The following CACNA1I variants were observed in gnomAD, a reference collection of about 807,000 sequenced individuals.
CACNA1I encodes calcium voltage-gated channel subunit alpha1 I.
A neutral mutation model predicts 201.6 loss-of-function variants in CACNA1I; 74 were observed. That is an observed-to-expected ratio of 0.37 (90% CI 0.30 to 0.45). The LOEUF is 0.45. Among genes scored for constraint, CACNA1I ranks in the 20% least tolerant of loss-of-function variants. CACNA1I has a pLI of 1.00. For missense variants in CACNA1I, 2,346 were observed against 3,138.1 expected (o/e 0.75, Z 6.03); for synonymous variants, 1,431 against 1,345.2 (o/e 1.06, Z -1.40).
intron 4 of CACNA1I, among the ~76,000 whole-genome samples, chr22:39,625,626 C>T (rs1448388180): frequency 6.6e-6 from 1 of 152,192 alleles, no homozygotes; most frequent in Non-Finnish European, 1.5e-5. Flanking sequence ...CTCTCCACCC[C>T]ACCCCTGCAG....
chr22:39,664,205 C>T (rs1308514550), intron 20 of CACNA1I, 46 bp downstream of exon 20: 5 of 1,524,938 alleles, frequency 3.3e-6, no homozygotes, highest in Non-Finnish European at 3.6e-6. Flanking sequence ...CCAGCTCGGG[C>T]CCCTGGCCCT....
intron 7 of CACNA1I, among the ~76,000 whole-genome samples, chr22:39,643,143 C>T (rs1429528656): frequency 3.3e-5 from 5 of 152,198 alleles, no homozygotes; most frequent in Admixed American, 6.5e-5. Flanking sequence ...ACTTCCCCAC[C>T]GATGCTCTGC....
chr22:39,678,801 C>A (rs1935592184), intron 31 of CACNA1I, among the ~76,000 whole-genome samples: 1 of 152,186 alleles, frequency 6.6e-6, no homozygotes, highest in Non-Finnish European at 1.5e-5. Context: ...CTGAAGGAAG[C>A]CCCAGATGCC....
intron 3 of CACNA1I, among the ~76,000 whole-genome samples, chr22:39,601,915 C>CTCCCTCCT (rs1933057703): frequency 3.0e-5 from 1 of 33,074 alleles, no homozygotes; most frequent in Non-Finnish European, 6.6e-5. Flanking sequence ...CCCTCCCTCC[C>CTCCCTCCT]TCCTTCCTTC....
rs1555905399 is a variant in CACNA1I at position 39,620,012 on chromosome 22, T to TCCATCC, written c.580+605_580+606insCCATCC. The stretch of plus-strand genomic sequence containing the variant: ...CTACCTGTCCACCCATCCACCTGTC[T>TCCATCC]ATCCATCCATCCATCCATCCATCCA... On this transcript the variant is annotated intron_variant, in intron 4 of 36. Transcript: ENST00000402142. 3.0e-3 allele frequency among the ~76,000 whole-genome samples: 280 copies of TCCATCC among 92,908 alleles called. 3 individuals are homozygous for TCCATCC. Among genetic ancestry groups the TCCATCC allele is most frequent in the African/African-American group, 0.012 (261 of 22,180 alleles). The allele number at this position is 92,908 out of a possible 152,430, so 61.0% of individuals were successfully genotyped here.
rs558659930 is a variant in CACNA1I at position 39,590,620 on chromosome 22, T to C, written c.237-7531T>C. 1.8e-4 allele frequency among the ~76,000 whole-genome samples: 27 copies of C among 152,306 alleles called. No individual in the cohort carries two copies. The South Asian group carries it at 5.2e-3, about 29-fold the overall frequency. On this transcript the variant is annotated intron_variant, in intron 1 of 36. Transcript: ENST00000402142. ...ACATCGCAGACACTGAACCAGGTGA[T>C]GGCAGGATGTGTGGATGAGAACATG...
intron 1 of CACNA1I, among the ~76,000 whole-genome samples, chr22:39,583,147 T>TCCATCCATCCAG (rs1342461448): frequency 9.4e-5 from 14 of 149,090 alleles, no homozygotes; most frequent in East Asian, 4.0e-4. Flanking sequence ...CATCCATCCA[T>TCCATCCATCCAG]CCAGCCATCC....
chr22:39,595,760 T>C (rs961603628), intron 1 of CACNA1I, among the ~76,000 whole-genome samples: 2 of 152,050 alleles, frequency 1.3e-5, no homozygotes, highest in Non-Finnish European at 2.9e-5. Context: ...CAGTGGACCA[T>C]GGGTAACTGA....
Position 39,689,382 on chromosome 22 carries a change from C to T in CACNA1I, c.*2977C>T, listed in dbSNP as rs1220563951. 2 of 152,812 alleles carry T rather than the reference C, an allele frequency of 1.3e-5. No individual in the cohort carries two copies. Among genetic ancestry groups the T allele is most frequent in the East Asian group, 1.9e-4 (1 of 5,202 alleles). 9.5% of individuals were successfully genotyped at this position (152,812 alleles called of 1,614,324 possible). On this transcript the variant is annotated 3_prime_UTR_variant, in exon 37 of 37. Transcript: ENST00000402142. ...AGCCTTCCGCTTCCAGGGCCAACCC[C>T]AGCCCCGTTTGCTGCGTTGTGTAAG... is the stretch of plus-strand genomic sequence containing the variant.
At chr22:39,660,317 A>T (rs373295292) in intron 14 of CACNA1I, 27 bp from the exon 15 acceptor site, 120 of 1,586,548 alleles carry the variant, frequency 7.6e-5, no homozygotes, top group Non-Finnish European at 9.9e-5. Flanking sequence ...ACTGACCTGC[A>T]TTCTAACGTG....
intron 5 of CACNA1I, among the ~76,000 whole-genome samples, chr22:39,638,848 G>A (rs189279313): frequency 1.3e-5 from 2 of 152,128 alleles, no homozygotes; most frequent in African/African-American, 4.8e-5. Flanking sequence ...AGATCATCAG[G>A]CAATAGATTC....
Position 39,672,958 on chromosome 22 carries a change from G to C in CACNA1I, c.4659G>C (p.Gln1553His). The C allele has an allele frequency of 3.1e-6, 5 of 1,613,368 alleles. No individual in the cohort carries two copies. Among genetic ancestry groups the C allele is most frequent in the Non-Finnish European group, 4.2e-6 (5 of 1,179,546 alleles). Residue 1553 changes from glutamine to histidine, a missense_variant, in exon 28 of 37, where the codon CAG becomes CAC. Around this residue, in one of 13 missense-constraint regions of CACNA1I, gnomAD observed 228 missense variants for 395.7 expected, o/e 0.58. Transcript: ENST00000402142. ...LRRFFKDRWN[Q>H]LDLAIVLLSV... ...ATGCACGGCTGAGCAGATGGAACCA[G>C]CTGGACCTGGCCATTGTGCTACTGT...
At position 39,647,930 on chromosome 22, in the gene CACNA1I, A is replaced by C; in HGVS notation, c.1567+4A>C. 1 of 1,612,792 alleles carries C rather than the reference A, an allele frequency of 6.2e-7. No homozygotes were observed. The highest frequency in any genetic ancestry group is 8.5e-7 in the Non-Finnish European group (1 of 1,179,582). ...GGAAATGATCACTCGGGAAGAGGCA[A>C]GCCAGGGCCACGGGAGGTGGGCCCT... On this transcript the variant is annotated splice_donor_region_variant and intron_variant, in intron 9 of 36. Transcript: ENST00000402142.
In CACNA1I at chr22:39,686,349, C is replaced by T; in HGVS notation, c.6616C>T (p.Gln2206Ter). The change falls in exon 37 of 37, where the codon CAA becomes TAA. Residue 2206 changes from glutamine (Q) to a stop codon, truncating the protein, a stop_gained. Transcript: ENST00000402142. LOFTEE classifies it high-confidence loss of function. Reference sequence around the variant, plus strand: ...CCTGGGCCCCTTGGCGCCCCCGCCGCAACCGCTCCCCGGAGAGCTGGAGCC... The same window carrying T: ...CCTGGGCCCCTTGGCGCCCCCGCCGTAACCGCTCCCCGGAGAGCTGGAGCC... The part of the protein sequence containing the change: ...MGLGPLAPPP[Q>*]PLPGELEPGD... 7.6e-7 allele frequency: 1 copy of T among 1,316,740 alleles called. No homozygotes were observed. The highest frequency in any genetic ancestry group is 1.9e-5 in the South Asian group (1 of 51,594). 81.6% of individuals were successfully genotyped at this position (1,316,740 alleles called of 1,614,324 possible). A position where few individuals can be genotyped will look rare whatever the true frequency, so the allele number is the denominator to read the frequency against.
Position 39,649,847 on chromosome 22 carries a change from C to T in CACNA1I, c.1914C>T (p.Asp638=). The T allele has an allele frequency of 1.2e-6, 2 of 1,613,632 alleles. No individual in the cohort carries two copies. The highest frequency in any genetic ancestry group is 1.7e-6 in the Non-Finnish European group (2 of 1,179,748). ...ETRAKLRGIV[D]SKYFNRGIMM... is the part of the protein sequence containing the mutation. ...GAGCCAAGCTGCGCGGCATCGTGGA[C>T]AGCAAGTACTTCAACCGGGGCATCA... Residue 638 remains aspartate, a synonymous_variant, in exon 10 of 37, where the codon GAC becomes GAT. Transcript: ENST00000402142. This position sits in a 1 kb window ranked among gnomAD's most constrained non-coding sequence, Gnocchi z 7.3.
At chr22:39,601,564 G>A (rs940125252) in intron 3 of CACNA1I, among the ~76,000 whole-genome samples, 6 of 152,164 alleles carry the variant, frequency 3.9e-5, no homozygotes, top group South Asian at 2.1e-4. Context: ...GAGGCTGTAC[G>A]TGTGTGTGTG....
Position 39,679,439 on chromosome 22 carries a change from T to C in CACNA1I, c.5388T>C (p.Pro1796=). The C allele has an allele frequency of 7.1e-7, 1 of 1,417,406 alleles. No individual in the cohort carries two copies. Among genetic ancestry groups the C allele is most frequent in the African/African-American group, 1.5e-5 (1 of 66,316 alleles). 87.8% of individuals were successfully genotyped at this position (1,417,406 alleles called of 1,614,324 possible). A position where few individuals can be genotyped will look rare whatever the true frequency, so the allele number is the denominator to read the frequency against. ...GCTTGTGCCGGCGCTGCTACTCGCC[T>C]GCCCAGGTGGGCAGGGGCTGGAGAG... The part of the protein sequence containing the change: ...EGGLCRRCYS[P]AQENLWLDSV... Residue 1796 remains proline, a synonymous_variant, in exon 32 of 37, where the codon CCT becomes CCC. Coordinates refer to ENST00000402142, the MANE Select transcript of CACNA1I (RefSeq NM_021096.4).
In CACNA1I at chr22:39,663,793, C is replaced by T; in HGVS notation, c.3549C>T (p.Asn1183=). ...DYVVLAFIFL[N]CITIALERPQ... ...TCGTCCTGGCCTTCATCTTTCTCAA[C>T]TGCATCACCATCGCCCTGGAGCGGC... The change falls in exon 19 of 37, where the codon AAC becomes AAT. Residue 1183 remains asparagine (N), a synonymous_variant. Coordinates refer to ENST00000402142, the MANE Select transcript of CACNA1I (RefSeq NM_021096.4). 6.3e-7 allele frequency: 1 copy of T among 1,589,188 alleles called. No individual in the cohort carries two copies. Among genetic ancestry groups the T allele is most frequent in the Non-Finnish European group, 8.6e-7 (1 of 1,164,474 alleles).
At position 39,576,991 on chromosome 22, in the gene CACNA1I, G is replaced by A. The variant is rs564347359; in HGVS notation, c.236+6003G>A. Among the ~76,000 whole-genome samples the A allele has an allele frequency of 6.1e-4, 93 of 151,924 alleles. No individual in the cohort carries two copies. In the South Asian group the frequency reaches 0.018, roughly 30 times the overall value. ...TTTTGAGACCAAGTCTCGCACTGTC[G>A]CCCAGGCTGGAGTGCAGTGGTGCGA... On this transcript the variant is annotated intron_variant, in intron 1 of 36. Coordinates refer to ENST00000402142, the MANE Select transcript of CACNA1I (RefSeq NM_021096.4).
Sources: gnomAD v4.1 joint callset for allele counts (sites outside exome capture counted in the v4.1 genomes callset) on GRCh38, gnomAD v4.1.1 for gene constraint, gnomAD v4.1.1 regional missense constraint, Gnocchi (gnomAD v3.1) non-coding constraint, MANE v1.5 for transcripts, NCBI Gene and HGNC (gene_info 2026-07-23, HGNC 2026-07-21) for gene names.